Variants in FCGR1A observed in about 807,000 individuals in gnomAD.
FCGR1A encodes Fc gamma receptor Ia.
A neutral mutation model predicts 35.0 loss-of-function variants in FCGR1A; 13 were observed. That is an observed-to-expected ratio of 0.37 (90% CI 0.24 to 0.59). FCGR1A has a LOEUF of 0.59. FCGR1A is among the 20% of genes least tolerant of loss of function. The pLI, the probability that FCGR1A is intolerant of heterozygous loss-of-function variation, is 0.71. For missense variants in FCGR1A, 227 were observed against 430.0 expected, an observed-to-expected ratio of 0.53 and a Z score of 4.17; for synonymous variants, 91 against 164.7, an observed-to-expected ratio of 0.55 and a Z score of 3.43.
rs587681502 is a variant in FCGR1A at position 149,791,609 on chromosome 1, C to T, written c.*92C>T. On this transcript the variant is annotated 3_prime_UTR_variant, in exon 6 of 6. Transcript: ENST00000369168. Reference sequence around the variant, plus strand: ...GTACAAACATCCAAAAGTTCAACAACACCAGAACTGTGTGTCTCATGGTAT... The same window carrying T: ...GTACAAACATCCAAAAGTTCAACAATACCAGAACTGTGTGTCTCATGGTAT... The T allele has an allele frequency of 2.2e-4, 344 of 1,538,384 alleles. 3 individuals are homozygous for T. The Middle Eastern group carries it at 4.2e-3, about 19-fold the overall frequency.
chr1:149,793,249 C>T, downstream of FCGR1A: 2 of 1,253,286 alleles, frequency 1.6e-6, no homozygotes, highest in Non-Finnish European at 2.1e-6. Flanking sequence ...GCGGCGGCGG[C>T]AGGGAGGGAG....
At chr1:149,785,617 G>C (rs2091528204) in intron 3 of FCGR1A, 3 of 151,772 alleles carry the variant, frequency 2.0e-5, no homozygotes. Context: ...CCTCTACACA[G>C]ACTCTAGGAC....
At position 149,790,028 on chromosome 1, in the gene FCGR1A, T is replaced by C. The variant is rs1338886; in HGVS notation, c.560-26T>C. On this transcript the variant is annotated intron_variant, in intron 4 of 5. Coordinates refer to ENST00000369168, the MANE Select transcript of FCGR1A (RefSeq NM_000566.4). Reference sequence around the variant, plus strand: ...GGACCTGGATGCTAAACAGGCAACCTTGTCCCCCATCAACTTTCTCCTTAG... The same window carrying C: ...GGACCTGGATGCTAAACAGGCAACCCTGTCCCCCATCAACTTTCTCCTTAG... The C allele has an allele frequency of 0.011, 18,059 of 1,609,708 alleles. 2,190 individuals are homozygous for C. The African/African-American group carries it at 0.21, about 19-fold the overall frequency.
intron 4 of FCGR1A, among the ~76,000 whole-genome samples, chr1:149,789,350 G>A (rs587712979): frequency 1.2e-3 from 180 of 152,068 alleles, no homozygotes; most frequent in African/African-American, 4.1e-3. Context: ...CTGAGATAGC[G>A]CCACTGCACT....
chr1:149,789,991 C>T, intron 4 of FCGR1A, 63 bp from the exon 5 acceptor site: 1 of 1,613,250 alleles, frequency 6.2e-7, no homozygotes, highest in Non-Finnish European at 8.5e-7. Flanking sequence ...AAGGGCATGT[C>T]TTTTGTGAAA....
intron 5 of FCGR1A, 89 bp downstream of exon 5, chr1:149,790,427 C>A: frequency 6.5e-7 from 1 of 1,545,156 alleles, no homozygotes; most frequent in Non-Finnish European, 8.7e-7. Flanking sequence ...GGTTTTTGGC[C>A]CAGACAGGAG....
downstream of FCGR1A, chr1:149,793,932 A>G: frequency 7.8e-7 from 1 of 1,284,842 alleles, no homozygotes; most frequent in Non-Finnish European, 1.0e-6. Context: ...TTCAGGATTT[A>G]GGAATATTTT....
intron 3 of FCGR1A, 27 bp downstream of exon 3, chr1:149,784,284 C>A (rs782586399): frequency 6.2e-7 from 1 of 1,609,240 alleles, no homozygotes; most frequent in South Asian, 1.1e-5. Context: ...CCAGGAGGGC[C>A]GGAAACCACA....
At chr1:149,790,918 G>T (rs1435121068) in intron 5 of FCGR1A, among the ~76,000 whole-genome samples, 10 of 143,812 alleles carry the variant, frequency 7.0e-5, no homozygotes, top group Middle Eastern at 3.5e-3. Flanking sequence ...AAGTCTCCTT[G>T]GGGGGGAAAA....
chr1:149,793,684 A>C (rs1280449792), downstream of FCGR1A, among the ~76,000 whole-genome samples: 65 of 151,742 alleles, frequency 4.3e-4, 1 homozygote, highest in African/African-American at 1.5e-3. Context: ...GGACAAGTGG[A>C]GCAGAACCGG....
intron 4 of FCGR1A, among the ~76,000 whole-genome samples, chr1:149,789,286 G>A (rs1272392909): frequency 3.3e-5 from 5 of 152,050 alleles, no homozygotes; most frequent in South Asian, 2.1e-4. Context: ...CCAGCTACTC[G>A]GGAGGCTGAG....
Position 149,791,618 on chromosome 1 carries a change from T to C in FCGR1A, c.*101T>C, listed in dbSNP as rs2091715381. The C allele has an allele frequency of 1.3e-6, 2 of 1,527,398 alleles. No individual in the cohort carries two copies. The highest frequency in any genetic ancestry group is 1.8e-6 in the Non-Finnish European group (2 of 1,140,586). The allele number at this position is 1,527,398 out of a possible 1,614,324, so 94.6% of individuals were successfully genotyped here. A position where few individuals can be genotyped will look rare whatever the true frequency, so the allele number is the denominator to read the frequency against. ...TCCAAAAGTTCAACAACACCAGAACTGTGTGTCTCATGGTATGTAACTCTT... is the reference window on the plus strand; with the variant it reads ...TCCAAAAGTTCAACAACACCAGAACCGTGTGTCTCATGGTATGTAACTCTT... On this transcript the variant is annotated 3_prime_UTR_variant, in exon 6 of 6. Transcript: ENST00000369168.
intron 3 of FCGR1A, chr1:149,785,947 G>T: frequency 6.6e-6 from 1 of 152,088 alleles, no homozygotes; most frequent in South Asian, 2.1e-4. Context: ...CATTATGATT[G>T]TGAACTGTAT....
Position 149,790,088 on chromosome 1 carries a change from G to A in FCGR1A, c.594G>A (p.Val198=), listed in dbSNP as rs1553751515. Residue 198 remains valine (V), a synonymous_variant, in exon 5 of 6, where the codon GTG becomes GTA. Transcript: ENST00000369168. The part of the protein sequence containing the change: ...LFPAPVLNAS[V]TSPLLEGNLV... ...CAGCTCCAGTGCTGAATGCATCTGTGACATCCCCACTCCTGGAGGGGAATC... is the reference window on the plus strand; with the variant it reads ...CAGCTCCAGTGCTGAATGCATCTGTAACATCCCCACTCCTGGAGGGGAATC... 3 of 1,613,818 alleles carry A rather than the reference G, an allele frequency of 1.9e-6. No individual in the cohort carries two copies. Among genetic ancestry groups the A allele is most frequent in the Non-Finnish European group, 1.7e-6 (2 of 1,179,872 alleles).
At chr1:149,792,804 A>G (rs782412782), downstream of FCGR1A, 210 of 1,279,418 alleles carry the variant, frequency 1.6e-4, 6 homozygotes, top group South Asian at 2.4e-3. Context: ...GAGCTGTAGG[A>G]GTCGGTGGGC....
chr1:149,785,681 T>A (rs1553750761), intron 3 of FCGR1A: 1 of 152,148 alleles, frequency 6.6e-6, no homozygotes, highest in African/African-American at 2.4e-5. Flanking sequence ...TACATTTTAA[T>A]GTGAATTTTC....
chr1:149,794,215 G>A (rs2091773829), downstream of FCGR1A: 1 of 347,030 alleles, frequency 2.9e-6, no homozygotes, highest in African/African-American at 2.2e-5. Flanking sequence ...TGTTTTGTAG[G>A]AAGTGTCAAC....
At chr1:149,786,527 A>G (rs782573361) in intron 3 of FCGR1A, 4 of 152,240 alleles carry the variant, frequency 2.6e-5, no homozygotes, top group Non-Finnish European at 4.4e-5. Flanking sequence ...GGGGAATTCA[A>G]TTGCAGCTCA....
At chr1:149,799,430 T>C in the FCGR1A span, among the ~76,000 whole-genome samples, 1 of 152,232 alleles carries the variant, frequency 6.6e-6, no homozygotes, top group African/African-American at 2.4e-5. Flanking sequence ...CAGAATTTAA[T>C]AGGACCTTGC....
Sources: allele counts gnomAD v4.1 joint callset (sites outside exome capture counted in the v4.1 genomes callset), GRCh38; gene constraint gnomAD v4.1.1; transcripts MANE v1.5; gene names NCBI Gene and HGNC (gene_info 2026-07-23, HGNC 2026-07-21).